Variants in GOLGB1 observed in about 807,000 individuals in gnomAD.
GOLGB1 encodes golgin B1.
In GOLGB1, 174 loss-of-function variants were observed where a neutral mutation model predicts 336.9. That is an observed-to-expected ratio of 0.52 (90% confidence interval 0.46 to 0.59). GOLGB1 has a LOEUF of 0.59. Among genes scored for constraint, GOLGB1 ranks in the 20% least tolerant of loss-of-function variants. GOLGB1 has a pLI of 0.00. For missense variants in GOLGB1, 3,331 were observed against 3,645.3 expected (o/e 0.91, Z 2.22); for synonymous variants, 1,208 against 1,289.2 (o/e 0.94, Z 1.35).
At chr3:121,727,831 T>G (rs1367233306) in intron 4 of GOLGB1, among the ~76,000 whole-genome samples, 1 of 152,196 alleles carries the variant, frequency 6.6e-6, no homozygotes, top group African/African-American at 2.4e-5. Context: ...AGGACTGTTG[T>G]CATTTCTTCA....
At chr3:121,673,157 C>T (rs1185035848) in intron 17 of GOLGB1, among the ~76,000 whole-genome samples, 1 of 151,782 alleles carries the variant, frequency 6.6e-6, no homozygotes, top group Admixed American at 6.6e-5. Flanking sequence ...GTAACTTCCA[C>T]CTCCCGGGTT....
At chr3:121,684,144 A>AAAAAAAAAAAAAC (rs1941450126) in intron 14 of GOLGB1, among the ~76,000 whole-genome samples, 1 of 148,570 alleles carries the variant, frequency 6.7e-6, no homozygotes, top group Non-Finnish European at 1.5e-5. Context: ...AAAAAAAAAA[A>AAAAAAAAAAAAAC]AAAAAAAACA....
At position 121,676,964 on chromosome 3, in the gene GOLGB1, T is replaced by C; in HGVS notation, c.9106A>G (p.Arg3036Gly). ...QNLVYETELL[R>G]TQLNDSLKEI... ...TTTAAGCTGTCATTGAGCTGGGTCC[T>C]GAGAAGTTCTGTCTCATAAACCAGA... Residue 3036 changes from arginine (R) to glycine (G), a missense_variant, in exon 17 of 22, where the codon AGG (arginine) becomes GGG (glycine). Arg to Gly is a moderately radical substitution (Grantham distance 125, BLOSUM62 -2). Transcript: ENST00000614479. The C allele has an allele frequency of 6.2e-7, 1 of 1,613,704 alleles. No homozygotes were observed. The highest frequency in any genetic ancestry group is 8.5e-7 in the Non-Finnish European group (1 of 1,179,562).
Position 121,695,954 on chromosome 3 carries a change from C to T in GOLGB1, c.4569G>A (p.Lys1523=). Residue 1523 remains lysine (K), a synonymous_variant, in exon 13 of 22, where the codon AAG becomes AAA. Coordinates refer to ENST00000614479, the MANE Select transcript of GOLGB1 (RefSeq NM_001366282.2). ...LARGTIERLT[K]SLADVESQVS... The stretch of plus-strand genomic sequence containing the variant: ...CTTGGCTTTCCACATCTGCCAGAGA[C>T]TTGGTGAGACGTTCAATGGTACCTC... 1 of 1,614,068 alleles carries T rather than the reference C, an allele frequency of 6.2e-7. No homozygotes were observed. Among genetic ancestry groups the T allele is most frequent in the East Asian group, 2.2e-5 (1 of 44,886 alleles).
chr3:121,669,151 T>C, intron 18 of GOLGB1, 61 bp downstream of exon 18: 1 of 1,537,452 alleles, frequency 6.5e-7, no homozygotes, highest in East Asian at 2.2e-5. Flanking sequence ...TCTGTAGTGC[T>C]TCACCACTTG....
intron 10 of GOLGB1, among the ~76,000 whole-genome samples, chr3:121,711,092 G>A (rs987827107): frequency 6.6e-6 from 1 of 152,046 alleles, no homozygotes; most frequent in African/African-American, 2.4e-5. Flanking sequence ...TACCTGGGAG[G>A]CTGAGGCAGG....
Position 121,691,869 on chromosome 3 carries a change from T to C in GOLGB1, c.7495A>G (p.Lys2499Glu), listed in dbSNP as rs1455995305. The C allele has an allele frequency of 6.2e-7, 1 of 1,613,482 alleles. No homozygotes were observed. Among genetic ancestry groups the C allele is most frequent in the Non-Finnish European group, 8.5e-7 (1 of 1,179,550 alleles). The change falls in exon 14 of 22, where the codon AAA becomes GAA. Residue 2499 changes from lysine (K) to glutamate (E), a missense_variant. Physicochemically the swap from Lys to Glu is moderately conservative, Grantham distance 56 (BLOSUM62 1). Transcript: ENST00000614479. ...GCAGCCTCTTGGATGAGTTGGTCTT[T>C]TTCCAAGATTATAGAGAGATGTCGC... ...EERHLSIILEKDQLIQEAAAE... is the reference protein window; with the variant it reads ...EERHLSIILEEDQLIQEAAAE...
chr3:121,742,416 G>A (rs1946934415), intron 1 of GOLGB1, among the ~76,000 whole-genome samples: 2 of 152,212 alleles, frequency 1.3e-5, no homozygotes, highest in Admixed American at 1.3e-4. Context: ...CTAGCCATAC[G>A]TAGAAAGGTG....
rs755933848 is a variant in GOLGB1, at chr3:121,717,159, C to T, written c.886-20G>A. On this transcript the variant is annotated intron_variant, in intron 8 of 21. Transcript: ENST00000614479. Reference sequence around the variant, plus strand: ...GAGAATCTAAGAAAAAAGACAAAGTCTCATGAGCCATAAATACATTATTTC... The same window carrying T: ...GAGAATCTAAGAAAAAAGACAAAGTTTCATGAGCCATAAATACATTATTTC... 4 of 1,568,838 alleles carry T rather than the reference C, an allele frequency of 2.5e-6. No homozygotes were observed. In the Admixed American group the frequency reaches 7.5e-5, roughly 30 times the overall value.
chr3:121,699,411 T>C (rs1181194804), intron 12 of GOLGB1, among the ~76,000 whole-genome samples: 1 of 152,154 alleles, frequency 6.6e-6, no homozygotes, highest in Non-Finnish European at 1.5e-5. Context: ...ACCCTTCTTA[T>C]AGTAATTTTC....
chr3:121,676,216 C>T (rs1401834402), intron 17 of GOLGB1, among the ~76,000 whole-genome samples: 1 of 152,210 alleles, frequency 6.6e-6, no homozygotes, highest in Non-Finnish European at 1.5e-5. Context: ...ACGTTTATTT[C>T]AGACTGACTT....
chr3:121,723,084 C>G (rs1188442821), intron 5 of GOLGB1, among the ~76,000 whole-genome samples: 2 of 152,122 alleles, frequency 1.3e-5, no homozygotes, highest in Non-Finnish European at 2.9e-5. Flanking sequence ...AGAAAGAGGT[C>G]TACAAACGTA....
chr3:121,694,839 T>C lies in GOLGB1; in HGVS notation c.5684A>G (p.Glu1895Gly), dbSNP rs1162103117. ...ATTTAACAGGTTCATTTTGGTTACT[T>C]CCTCCTGAAGCATTTTTAGTTCACC... The part of the protein sequence containing the change: ...KDGELKMLQE[E>G]VTKMNLLNQQ... The change falls in exon 13 of 22, where the codon GAA (glutamate) becomes GGA (glycine). Residue 1895 changes from glutamate (E) to glycine (G), a missense_variant. Physicochemically the swap from Glu to Gly is moderately conservative, Grantham distance 98. Transcript: ENST00000614479. 1 of 1,613,766 alleles carries C rather than the reference T, an allele frequency of 6.2e-7. No individual in the cohort carries two copies. The highest frequency in any genetic ancestry group is 1.3e-5 in the African/African-American group (1 of 74,888).
Position 121,694,965 on chromosome 3 carries a change from C to A in GOLGB1, c.5558G>T (p.Arg1853Ile). ...CTTCTCCTCCTCTAATCCAGCAATT[C>A]TTTCTTTGAGCTGATCAATCTGCTG... ...YLQQIDQLKE[R>I]IAGLEEEKQK... The change falls in exon 13 of 22, where the codon AGA becomes ATA. Residue 1853 changes from arginine to isoleucine, a missense_variant. Arg to Ile is a moderately conservative substitution (Grantham distance 97). Transcript: ENST00000614479. 3.1e-6 allele frequency: 5 copies of A among 1,614,102 alleles called. No homozygotes were observed. The highest frequency in any genetic ancestry group is 4.2e-6 in the Non-Finnish European group (5 of 1,180,008).
intron 1 of GOLGB1, among the ~76,000 whole-genome samples, chr3:121,738,046 A>G (rs1946603300): frequency 6.6e-6 from 1 of 152,234 alleles, no homozygotes; most frequent in South Asian, 2.1e-4. Flanking sequence ...AAAAATCACA[A>G]TTCAGCAGTA....
At chr3:121,712,611 T>C (rs1381407513) in intron 10 of GOLGB1, among the ~76,000 whole-genome samples, 1 of 152,056 alleles carries the variant, frequency 6.6e-6, no homozygotes, top group Non-Finnish European at 1.5e-5. Flanking sequence ...TACTTGATAA[T>C]AAAAAGACAA....
At chr3:121,676,596 C>T (rs1940412175) in intron 17 of GOLGB1, among the ~76,000 whole-genome samples, 1 of 152,164 alleles carries the variant, frequency 6.6e-6, no homozygotes, top group African/African-American at 2.4e-5. Context: ...AGGGAGTAGC[C>T]TCAGCATTAC....
At chr3:121,677,630 T>G (rs2107639391) in intron 15 of GOLGB1, among the ~76,000 whole-genome samples, 180 bp from the exon 16 acceptor site, 1 of 152,316 alleles carries the variant, frequency 6.6e-6, no homozygotes. Context: ...CAGGAATCTT[T>G]TTTTCTCTAT....
At chr3:121,681,581 T>C in intron 15 of GOLGB1, 106 bp downstream of exon 15, 1 of 768,996 alleles carries the variant, frequency 1.3e-6, no homozygotes, top group East Asian at 2.5e-5. Flanking sequence ...AGAAACTGGG[T>C]GAAGGGTACA....
Sources: allele counts gnomAD v4.1 joint callset (sites outside exome capture counted in the v4.1 genomes callset), GRCh38; gene constraint gnomAD v4.1.1; transcripts MANE v1.5; gene names NCBI Gene and HGNC (gene_info 2026-07-23, HGNC 2026-07-21).